Variants in HDAC9 observed in about 807,000 individuals in gnomAD.
The protein encoded by HDAC9 is histone deacetylase 9, also known as MEF-2 interacting transcription repressor (MITR) protein.
In HDAC9, 41 loss-of-function variants were observed where a neutral mutation model predicts 139.4. The ratio of observed to expected loss-of-function variants is 0.29; its 90% CI spans 0.23 to 0.38. The LOEUF is 0.38. Ranked by LOEUF, HDAC9 falls within the 10% of genes least tolerant of loss-of-function variation. The pLI, the probability that HDAC9 is intolerant of heterozygous loss-of-function variation, is 1.00. For missense variants in HDAC9, 1,147 were observed against 1,297.0 expected (o/e 0.88, Z 1.78); for synonymous variants, 517 against 476.2 (o/e 1.09, Z -1.12).
chr7:18,186,431 G>A (rs1354194231), intron 2 of HDAC9, among the ~76,000 whole-genome samples: 3 of 152,244 alleles, frequency 2.0e-5, no homozygotes, highest in Non-Finnish European at 4.4e-5. Context: ...TGGTAGGATG[G>A]TGCTTTCTGG....
intron 1 of HDAC9, among the ~76,000 whole-genome samples, chr7:18,427,360 T>C (rs1790210698): frequency 6.6e-6 from 1 of 152,184 alleles, no homozygotes; most frequent in Non-Finnish European, 1.5e-5. Context: ...CTGGGTTCTC[T>C]AGACGTAAAC....
At chr7:18,705,880 A>AAAAAAAAAAT (rs1783868273) in intron 12 of HDAC9, among the ~76,000 whole-genome samples, 1 of 148,602 alleles carries the variant, frequency 6.7e-6, no homozygotes, top group Non-Finnish European at 1.5e-5. Flanking sequence ...AAAATAAAAT[A>AAAAAAAAAAT]AAAGAAATGG....
At chr7:18,200,278 G>A (rs1791022402) in intron 2 of HDAC9, among the ~76,000 whole-genome samples, 2 of 152,314 alleles carry the variant, frequency 1.3e-5, no homozygotes, top group East Asian at 3.9e-4. Context: ...ATCAGTAGTT[G>A]AAAACACTGA....
intron 25 of HDAC9, among the ~76,000 whole-genome samples, chr7:18,993,465 T>C (rs964657853): frequency 3.9e-5 from 6 of 152,162 alleles, no homozygotes; most frequent in Non-Finnish European, 8.8e-5. Context: ...CAGGATATTT[T>C]CCAACTTACT....
At chr7:18,915,658 AAAGC>A (rs1302036914) in intron 22 of HDAC9, among the ~76,000 whole-genome samples, 1 of 151,662 alleles carries the variant, frequency 6.6e-6, no homozygotes, top group Non-Finnish European at 1.5e-5. Context: ...AAAAAAAAAA[AAAGC>A]AGTCGGAACT....
At chr7:18,659,792 T>A (rs1792546779) in intron 11 of HDAC9, among the ~76,000 whole-genome samples, 1 of 152,134 alleles carries the variant, frequency 6.6e-6, no homozygotes, top group African/African-American at 2.4e-5. Flanking sequence ...TCAGCAGAGA[T>A]TCACACAGGC....
chr7:18,662,002 T>A (rs1793330160), intron 11 of HDAC9, among the ~76,000 whole-genome samples: 2 of 152,136 alleles, frequency 1.3e-5, no homozygotes, highest in Admixed American at 1.3e-4. Flanking sequence ...TTTCAGAAGG[T>A]CTTCTGTTAA....
intron 15 of HDAC9, among the ~76,000 whole-genome samples, chr7:18,765,571 C>G (rs2129159758): frequency 6.6e-6 from 1 of 152,148 alleles, no homozygotes; most frequent in Admixed American, 6.5e-5. Context: ...CACCACTGCA[C>G]TCTAGCCTAA....
At chr7:18,745,144 C>A (rs1423795431) in intron 13 of HDAC9, among the ~76,000 whole-genome samples, 4 of 151,942 alleles carry the variant, frequency 2.6e-5, no homozygotes, top group Admixed American at 2.6e-4. Context: ...GTCCATGTTT[C>A]TGAGAAGCCA....
intron 2 of HDAC9, among the ~76,000 whole-genome samples, chr7:18,274,298 G>A (rs577920579): frequency 3.0e-4 from 45 of 152,250 alleles, no homozygotes; most frequent in Middle Eastern, 3.4e-3. Context: ...TGCATCTGGT[G>A]AGGTCCTCAT....
At chr7:18,629,007 A>C (rs1239220135) in intron 6 of HDAC9, among the ~76,000 whole-genome samples, 1 of 152,168 alleles carries the variant, frequency 6.6e-6, no homozygotes, top group Non-Finnish European at 1.5e-5. Flanking sequence ...AATGAAGTAT[A>C]ATAAATCTTA....
rs572854673 is a variant in HDAC9 at position 18,740,265 on chromosome 7, G to A, written c.1910-8740G>A. Among the ~76,000 whole-genome samples the A allele has an allele frequency of 2.1e-3, 313 of 152,212 alleles. 1 individual carries two copies. The highest frequency in any genetic ancestry group is 6.8e-3 in the Middle Eastern group (2 of 294). ...CCTGCCCTGCTTCAGCTCGCCCTCC[G>A]TGGGCTGCACCCACTCTCCAACCAG... On this transcript the variant is annotated intron_variant, in intron 13 of 25. Transcript: ENST00000686413.
rs1211461077 is a variant in HDAC9 at position 18,972,367 on chromosome 7, CTCTTTTTTTTTTTT to C, written c.3023-3437_3023-3424del. ...AGTTAGCTCAATTTTCGATGAACTTCTCTTTTTTTTTTTTTTTTTTTTTTTTTTTTTGAGATGGA... is the reference window on the plus strand; with the variant it reads ...AGTTAGCTCAATTTTCGATGAACTTCTTTTTTTTTTTTTTTTTGAGATGGA... On this transcript the variant is annotated intron_variant, in intron 24 of 25. Transcript: ENST00000686413. Among the ~76,000 whole-genome samples the C allele has an allele frequency of 4.2e-3, 485 of 114,830 alleles. 5 individuals are homozygous for C. The highest frequency in any genetic ancestry group is 0.016 in the African/African-American group (472 of 30,430). The allele number at this position is 114,830 out of a possible 152,430, so 75.3% of individuals were successfully genotyped here.
At chr7:18,676,667 TTGTC>T (rs1781532053) in intron 12 of HDAC9, among the ~76,000 whole-genome samples, 1 of 151,980 alleles carries the variant, frequency 6.6e-6, no homozygotes, top group Non-Finnish European at 1.5e-5. Context: ...ATTATTTCAA[TTGTC>T]TGACAAACTC....
chr7:18,590,238 A>T, intron 3 of HDAC9, 98 bp from the exon 4 acceptor site: 1 of 1,274,386 alleles, frequency 7.8e-7, no homozygotes, highest in South Asian at 1.5e-5. Flanking sequence ...AACTAAATAC[A>T]AACAAGTTCC....
intron 12 of HDAC9, among the ~76,000 whole-genome samples, chr7:18,675,297 A>G (rs1390804731): frequency 1.3e-5 from 2 of 152,044 alleles, no homozygotes; most frequent in Non-Finnish European, 1.5e-5. Context: ...TTTTATAGTT[A>G]GGCTGCAGGA....
chr7:18,759,477 G>A (rs1213786006), intron 14 of HDAC9, among the ~76,000 whole-genome samples: 1 of 151,924 alleles, frequency 6.6e-6, no homozygotes, highest in African/African-American at 2.4e-5. Context: ...ATCTGTCACT[G>A]TCTCCTATCA....
intron 1 of HDAC9, among the ~76,000 whole-genome samples, chr7:18,385,593 T>C (rs1249842788): frequency 6.6e-6 from 1 of 152,158 alleles, no homozygotes; most frequent in East Asian, 1.9e-4. Context: ...TAATCAGATA[T>C]AACAATTTTC....
At chr7:18,655,002 A>G (rs1006657467) in intron 11 of HDAC9, among the ~76,000 whole-genome samples, 4 of 152,142 alleles carry the variant, frequency 2.6e-5, no homozygotes, top group Middle Eastern at 3.2e-3. Context: ...GTTGTTTTAG[A>G]TTGGACAAAC....
Sources: gnomAD v4.1 joint callset for allele counts (sites outside exome capture counted in the v4.1 genomes callset) on GRCh38, gnomAD v4.1.1 for gene constraint, MANE v1.5 for transcripts, NCBI Gene and HGNC (gene_info 2026-07-23, HGNC 2026-07-21) for gene names.